Variants in TRMT9B observed in about 807,000 individuals in gnomAD.
The protein encoded by TRMT9B is tRNA methyltransferase 9B (putative).
Under a neutral mutation model 11.5 loss-of-function variants are expected in TRMT9B, and 16 were observed. The ratio of observed to expected loss-of-function variants is 1.39; its 90% CI spans 0.94 to 2.11. The LOEUF (loss-of-function observed/expected upper bound fraction) is 2.11, where lower values mean the gene tolerates loss of function less well. TRMT9B is among the 30% of genes most tolerant of loss of function. The probability of loss-of-function intolerance (pLI) is 0.00; values close to 1 mark genes in which losing one functional copy is unlikely to be tolerated. For synonymous variants in TRMT9B, 274 were observed against 192.4 expected, an observed-to-expected ratio of 1.42 and a Z score of -3.51; for missense variants, 941 against 553.8, an observed-to-expected ratio of 1.70 and a Z score of -7.02.
At chr8:12,967,764 AAGTGATC>A (rs1410027224) in intron 1 of TRMT9B, among the ~76,000 whole-genome samples, 1 of 152,230 alleles carries the variant, frequency 6.6e-6, no homozygotes, top group Non-Finnish European at 1.5e-5. Context: ...GTCAGTATGA[AAGTGATC>A]AGTGGGACAA....
chr8:13,011,424 A>G, intron 3 of TRMT9B: 5 of 985,448 alleles, frequency 5.1e-6, no homozygotes, highest in Non-Finnish European at 6.0e-6. Context: ...TTTCAGAAGC[A>G]GCAAACTAAT....
chr8:13,003,044 C>T (rs1809758512), intron 2 of TRMT9B, among the ~76,000 whole-genome samples: 1 of 152,098 alleles, frequency 6.6e-6, no homozygotes, highest in Non-Finnish European at 1.5e-5. Context: ...TGATCATTTG[C>T]TGGGGGTCTG....
Position 13,021,928 on chromosome 8 carries a change from G to C in TRMT9B, c.1249G>C (p.Glu417Gln), listed in dbSNP as rs762589538. Residue 417 changes from glutamate to glutamine, a missense_variant, in exon 5 of 5, where the codon GAA becomes CAA. Transcript: ENST00000524591. ...AFMRYYHVFR[E>Q]GELCSLLKEN... ...TATGCGCTACTACCATGTGTTTCGA[G>C]AAGGGGAGCTCTGCAGTCTGCTCAA... 2.5e-6 allele frequency: 4 copies of C among 1,613,798 alleles called. No homozygotes were observed. The highest frequency in any genetic ancestry group is 1.7e-5 in the Admixed American group (1 of 60,008).
chr8:12,980,713 C>A (rs758352031), intron 1 of TRMT9B, among the ~76,000 whole-genome samples: 3 of 152,116 alleles, frequency 2.0e-5, no homozygotes, highest in African/African-American at 4.8e-5. Context: ...AGAAAAGCTT[C>A]GTGACACAAG....
chr8:12,991,698 C>T (rs1008488066), intron 2 of TRMT9B, among the ~76,000 whole-genome samples: 1 of 152,072 alleles, frequency 6.6e-6, no homozygotes, highest in Non-Finnish European at 1.5e-5. Context: ...TTTGGGAGGC[C>T]GAGGCAGGTG....
intron 1 of TRMT9B, among the ~76,000 whole-genome samples, chr8:12,962,968 C>G (rs552840544): frequency 6.6e-6 from 1 of 152,292 alleles, no homozygotes; most frequent in African/African-American, 2.4e-5. Context: ...AAGTTAAAAA[C>G]TTGTAGCCAC....
intron 1 of TRMT9B, among the ~76,000 whole-genome samples, chr8:12,972,334 C>G (rs1803762372): frequency 6.6e-6 from 1 of 152,146 alleles, no homozygotes; most frequent in African/African-American, 2.4e-5. Context: ...TTTGAGAGCT[C>G]AGAGGAGAGT....
At position 13,024,755 on chromosome 8, in the gene TRMT9B, C is replaced by G. The variant is rs1202980059; in HGVS notation, c.*2711C>G. Reference sequence around the variant, plus strand: ...CAGGGGTGTAAATAAAGCATGCTGACTAATAAGTCTTTTACTCTTCATCTA... The same window carrying G: ...CAGGGGTGTAAATAAAGCATGCTGAGTAATAAGTCTTTTACTCTTCATCTA... On this transcript the variant is annotated 3_prime_UTR_variant, in exon 5 of 5. Coordinates refer to ENST00000524591, the MANE Select transcript of TRMT9B (RefSeq NM_020844.3). 2 of 167,118 alleles carry G rather than the reference C, an allele frequency of 1.2e-5. No individual in the cohort carries two copies. The highest frequency in any genetic ancestry group is 2.4e-5 in the African/African-American group (1 of 41,568). The allele number at this position is 167,118 out of a possible 1,614,324, so 10.4% of individuals were successfully genotyped here. A position where few individuals can be genotyped will look rare whatever the true frequency, so the allele number is the denominator to read the frequency against.
intron 2 of TRMT9B, among the ~76,000 whole-genome samples, chr8:12,994,725 C>A (rs1013854020): frequency 2.6e-5 from 4 of 152,112 alleles, no homozygotes; most frequent in Admixed American, 6.5e-5. Context: ...CCTGTTGCCC[C>A]GGCTGGAGTG....
intron 3 of TRMT9B, among the ~76,000 whole-genome samples, chr8:13,008,851 C>G (rs1398963281): frequency 6.6e-6 from 1 of 152,132 alleles, no homozygotes; most frequent in Non-Finnish European, 1.5e-5. Context: ...GCCTCAGCCT[C>G]CCTAGTAGCT....
chr8:12,973,744 CG>C (rs1195892374), intron 1 of TRMT9B, among the ~76,000 whole-genome samples: 1 of 152,124 alleles, frequency 6.6e-6, no homozygotes, highest in African/African-American at 2.4e-5. Context: ...CAGCCATAAG[CG>C]TCTGCACAGA....
intron 2 of TRMT9B, among the ~76,000 whole-genome samples, chr8:12,999,434 G>A (rs188774396): frequency 6.6e-5 from 10 of 151,804 alleles, no homozygotes; most frequent in Middle Eastern, 3.4e-3. Flanking sequence ...ATACATACAC[G>A]CATACGCACA....
rs1322012910 is a variant in TRMT9B at position 13,028,297 on chromosome 8, C to G, written c.*6253C>G. 2 of 167,014 alleles carry G rather than the reference C, an allele frequency of 1.2e-5. No individual in the cohort carries two copies. Among genetic ancestry groups the G allele is most frequent in the Non-Finnish European group, 2.9e-5 (2 of 68,132 alleles). The allele number at this position is 167,014 out of a possible 1,614,324, so 10.3% of individuals were successfully genotyped here. On this transcript the variant is annotated 3_prime_UTR_variant, in exon 5 of 5. Coordinates refer to ENST00000524591, the MANE Select transcript of TRMT9B (RefSeq NM_020844.3). ...TGGACCATTTGTAAGAGCTGTTTGT[C>G]AAATTGGATCTTCATTTGACAAATA...
intron 4 of TRMT9B, among the ~76,000 whole-genome samples, chr8:13,018,260 G>A (rs559352205): frequency 2.0e-5 from 3 of 151,564 alleles, no homozygotes; most frequent in Non-Finnish European, 4.4e-5. Context: ...AAATTAGCTG[G>A]GTGTGGTGAT....
intron 1 of TRMT9B, among the ~76,000 whole-genome samples, chr8:12,980,359 C>T (rs1805158522): frequency 6.6e-6 from 1 of 152,156 alleles, no homozygotes; most frequent in Admixed American, 6.5e-5. Flanking sequence ...CCAGATAACC[C>T]AGGATGATCT....
intron 2 of TRMT9B, among the ~76,000 whole-genome samples, chr8:12,999,959 T>C (rs147303553): frequency 2.5e-3 from 377 of 152,360 alleles, no homozygotes; most frequent in African/African-American, 8.7e-3. Flanking sequence ...ACTTATATGG[T>C]AACAAGTTGT....
intron 1 of TRMT9B, among the ~76,000 whole-genome samples, chr8:12,967,028 A>G (rs762052805): frequency 3.3e-5 from 5 of 152,208 alleles, no homozygotes; most frequent in Non-Finnish European, 4.4e-5. Flanking sequence ...AATACTCCCA[A>G]GGTGTGGGAA....
At position 13,022,345 on chromosome 8, in the gene TRMT9B, T is replaced by C. The variant is rs1019520482; in HGVS notation, c.*301T>C. On this transcript the variant is annotated 3_prime_UTR_variant, in exon 5 of 5. Coordinates refer to ENST00000524591, the MANE Select transcript of TRMT9B (RefSeq NM_020844.3). ...TTTAACCCCAGAGAGATAAAATACA[T>C]GTATAGTGTTTTTCAGTATTACACA... 1.5e-5 allele frequency: 4 copies of C among 259,786 alleles called. No homozygotes were observed. In the East Asian group the frequency reaches 3.5e-4, roughly 22 times the overall value. 16.1% of individuals were successfully genotyped at this position (259,786 alleles called of 1,614,324 possible).
At chr8:12,959,997 G>A (rs2977078) in intron 1 of TRMT9B, 56,169 of 152,014 alleles carry the variant, frequency 0.37, 10,892 homozygotes, top group East Asian at 0.68. Flanking sequence ...AAGAACATAC[G>A]TGCAGCTGAT....
Sources: allele counts gnomAD v4.1 joint callset (sites outside exome capture counted in the v4.1 genomes callset), GRCh38; gene constraint gnomAD v4.1.1; transcripts MANE v1.5; gene names NCBI Gene and HGNC (gene_info 2026-07-23, HGNC 2026-07-21).